Variants in CYP3A43 observed in about 807,000 individuals in gnomAD.
CYP3A43 encodes the protein cytochrome P450 3A43.
In CYP3A43, 45 loss-of-function variants were observed where a neutral mutation model predicts 58.0. The ratio of observed to expected loss-of-function variants is 0.78; its 90% CI spans 0.61 to 0.99. CYP3A43 has a LOEUF of 0.99. CYP3A43 is among the 50% of genes least tolerant of loss of function. CYP3A43 has a pLI of 0.00. For missense variants in CYP3A43, 593 were observed against 591.9 expected (o/e 1.00, Z -0.02); for synonymous variants, 191 against 201.4 (o/e 0.95, Z 0.44).
rs376432126 is a variant in CYP3A43, at chr7:99,862,862, C to T, written c.1254-675C>T. On this transcript the variant is annotated intron_variant, in intron 11 of 12. Transcript: ENST00000354829. Reference sequence around the variant, plus strand: ...TTTCTCTGTTTTCTGGAGTAGAGGACTTCTGTGTTTCCTCCATCTTGGCAC... The same window carrying T: ...TTTCTCTGTTTTCTGGAGTAGAGGATTTCTGTGTTTCCTCCATCTTGGCAC... 5.9e-5 allele frequency among the ~76,000 whole-genome samples: 9 copies of T among 152,278 alleles called. No homozygotes were observed. In the East Asian group the frequency reaches 1.7e-3, roughly 29 times the overall value.
At chr7:99,852,010 T>G (rs949525239) in intron 7 of CYP3A43, among the ~76,000 whole-genome samples, 1 of 152,234 alleles carries the variant, frequency 6.6e-6, no homozygotes, top group Non-Finnish European at 1.5e-5. Flanking sequence ...CCAGCTTTAT[T>G]CTTACACTTG....
intron 2 of CYP3A43, 64 bp downstream of exon 2, chr7:99,836,610 A>G (rs1817092196): frequency 1.6e-6 from 2 of 1,227,872 alleles, no homozygotes; most frequent in Non-Finnish European, 2.3e-6. Flanking sequence ...TAGTCCTATC[A>G]GTAAAAATGC....
intron 1 of CYP3A43, among the ~76,000 whole-genome samples, chr7:99,834,943 A>G (rs1298035679): frequency 6.6e-6 from 1 of 152,180 alleles, no homozygotes; most frequent in Non-Finnish European, 1.5e-5. Flanking sequence ...GCATGAGGAA[A>G]TTCCTAAGCT....
intron 3 of CYP3A43, among the ~76,000 whole-genome samples, chr7:99,841,184 A>G (rs1029911144): frequency 1.2e-4 from 19 of 152,160 alleles, no homozygotes; most frequent in African/African-American, 4.6e-4. Flanking sequence ...TCAGCTAGCT[A>G]TAACTTCCCC....
intron 12 of CYP3A43, 98 bp from the exon 13 acceptor site, chr7:99,865,808 T>G (rs921428226): frequency 1.3e-6 from 1 of 781,014 alleles, no homozygotes; most frequent in Admixed American, 3.3e-5. Context: ...TTTTTAGTCA[T>G]TGCAAAGCAT....
At chr7:99,839,788 T>C (rs1817260788) in intron 3 of CYP3A43, among the ~76,000 whole-genome samples, 1 of 152,156 alleles carries the variant, frequency 6.6e-6, no homozygotes, top group Admixed American at 6.5e-5. Context: ...AGTGTCTGAT[T>C]TACATAGGGC....
chr7:99,846,147 A>G (rs1052448519), intron 4 of CYP3A43, among the ~76,000 whole-genome samples: 1 of 152,226 alleles, frequency 6.6e-6, no homozygotes, highest in African/African-American at 2.4e-5. Context: ...AGATTTTGAT[A>G]AGTATTGAAT....
intron 3 of CYP3A43, among the ~76,000 whole-genome samples, chr7:99,840,921 A>T (rs1370308726): frequency 6.6e-6 from 1 of 152,084 alleles, no homozygotes; most frequent in Non-Finnish European, 1.5e-5. Context: ...ACTCTAACCA[A>T]TTGGCTCATG....
chr7:99,859,221 G>A (rs1461446092), intron 9 of CYP3A43, among the ~76,000 whole-genome samples: 1 of 152,132 alleles, frequency 6.6e-6, no homozygotes, highest in Non-Finnish European at 1.5e-5. Context: ...GCAGTTTGAG[G>A]GTAGGGTTTG....
chr7:99,831,642 A>C (rs1352286288), intron 1 of CYP3A43, among the ~76,000 whole-genome samples: 1 of 152,224 alleles, frequency 6.6e-6, no homozygotes, highest in East Asian at 1.9e-4. Flanking sequence ...GTTCACACAT[A>C]ACCCATCAAA....
chr7:99,853,130 T>C (rs1315138528), intron 7 of CYP3A43, among the ~76,000 whole-genome samples: 1 of 152,238 alleles, frequency 6.6e-6, no homozygotes, highest in East Asian at 1.9e-4. Flanking sequence ...TTTGGAAATG[T>C]TCCCTCATTT....
chr7:99,834,342 T>C (rs1584196581), intron 1 of CYP3A43, among the ~76,000 whole-genome samples: 1 of 152,218 alleles, frequency 6.6e-6, no homozygotes, highest in African/African-American at 2.4e-5. Flanking sequence ...CCATTTGTTA[T>C]CTTTCCAGTC....
intron 12 of CYP3A43, 95 bp from the exon 13 acceptor site, chr7:99,865,811 C>A: frequency 2.5e-6 from 2 of 814,440 alleles, no homozygotes; most frequent in Non-Finnish European, 3.7e-6. Flanking sequence ...TTAGTCATTG[C>A]AAAGCATTAC....
At chr7:99,860,084 G>A (rs369240358) in intron 10 of CYP3A43, 94 bp downstream of exon 10, 185 of 1,436,114 alleles carry the variant, frequency 1.3e-4, no homozygotes, top group Non-Finnish European at 1.7e-4. Context: ...TGCAAAAAGC[G>A]TAAGCATCAG....
chr7:99,828,247 C>A, intron 1 of CYP3A43, 61 bp downstream of exon 1: 2 of 1,303,488 alleles, frequency 1.5e-6, no homozygotes, highest in South Asian at 1.7e-5. Context: ...TAATTGGGCC[C>A]ATCTTTTTCT....
intron 1 of CYP3A43, among the ~76,000 whole-genome samples, chr7:99,830,008 G>T (rs1816779599): frequency 6.6e-6 from 1 of 152,110 alleles, no homozygotes. Flanking sequence ...CCAAAATATG[G>T]CACTTAAGCA....
At chr7:99,856,692 T>G in intron 8 of CYP3A43, 141 bp from the exon 9 acceptor site, 1 of 768,618 alleles carries the variant, frequency 1.3e-6, no homozygotes, top group South Asian at 1.6e-5. Flanking sequence ...TTCTAAACAT[T>G]GGTGACTCAG....
chr7:99,849,984 G>C, intron 7 of CYP3A43: 2 of 390,734 alleles, frequency 5.1e-6, no homozygotes, highest in Non-Finnish European at 9.1e-6. Context: ...TTTAGACAGA[G>C]TCTCGCTGTG....
At chr7:99,839,274 A>G in intron 3 of CYP3A43, 102 bp downstream of exon 3, 4 of 1,369,904 alleles carry the variant, frequency 2.9e-6, no homozygotes, top group South Asian at 2.4e-5. Flanking sequence ...GGATAATGCT[A>G]TTGTCAACCT....
Sources: allele counts gnomAD v4.1 joint callset (sites outside exome capture counted in the v4.1 genomes callset), GRCh38; gene constraint gnomAD v4.1.1; transcripts MANE v1.5; gene names NCBI Gene and HGNC (gene_info 2026-07-23, HGNC 2026-07-21).